Variants in NOL4L observed in about 807,000 individuals in gnomAD.
NOL4L encodes the protein nucleolar protein 4-like.
In NOL4L, 7 loss-of-function variants were observed where a neutral mutation model predicts 64.5. The observed-to-expected ratio is 0.11, with a 90% CI of 0.06 to 0.20. The LOEUF (loss-of-function observed/expected upper bound fraction) is 0.20, where lower values mean the gene tolerates loss of function less well. Among genes scored for constraint, NOL4L ranks in the 10% least tolerant of loss-of-function variants. The pLI, the probability that NOL4L is intolerant of heterozygous loss-of-function variation, is 1.00. For missense variants in NOL4L, 680 were observed against 967.1 expected, an observed-to-expected ratio of 0.70 and a Z score of 3.94; for synonymous variants, 413 against 401.0, an observed-to-expected ratio of 1.03 and a Z score of -0.36.
chr20:32,466,750 T>C (rs369603458), intron 5 of NOL4L, among the ~76,000 whole-genome samples: 9 of 152,172 alleles, frequency 5.9e-5, no homozygotes, highest in African/African-American at 2.2e-4. Context: ...ACAGCCATAA[T>C]GAGCAGGTGT....
intron 5 of NOL4L, among the ~76,000 whole-genome samples, chr20:32,462,861 C>CG (rs1333648213): frequency 7.1e-6 from 1 of 139,874 alleles, no homozygotes; most frequent in Non-Finnish European, 1.5e-5. Flanking sequence ...GACAAGATCG[C>CG]GCCATTGGAC....
chr20:32,529,876 C>T (rs2018281035), intron 1 of NOL4L, among the ~76,000 whole-genome samples: 1 of 152,244 alleles, frequency 6.6e-6, no homozygotes, highest in Non-Finnish European at 1.5e-5. Flanking sequence ...TGGGCAAACC[C>T]TTCAACCTCC....
chr20:32,510,820 T>C (rs1035414347), intron 4 of NOL4L, among the ~76,000 whole-genome samples: 2 of 152,148 alleles, frequency 1.3e-5, no homozygotes, highest in African/African-American at 4.8e-5. Flanking sequence ...AGGGAGTTTC[T>C]TTTCATAGCC....
Position 32,453,694 on chromosome 20 carries a change from A to G in NOL4L, c.1187T>C (p.Leu396Pro). Residue 396 changes from leucine to proline, a missense_variant, in exon 7 of 11, where the codon CTG (leucine) becomes CCG (proline). Physicochemically the swap from Leu to Pro is moderately conservative, Grantham distance 98. Transcript: ENST00000621426. This position sits in a 1 kb window ranked among gnomAD's most constrained non-coding sequence, Gnocchi z 5.6. ...KTEVSGCPEDLTVGRAPTADD... is the reference protein window; with the variant it reads ...KTEVSGCPEDPTVGRAPTADD... ...TGCCGTCGGGGCCCGGCCCACTGTC[A>G]GGTCCTCAGGGCAGCCGCTGACCTC... The G allele has an allele frequency of 6.4e-7, 1 of 1,564,848 alleles. No homozygotes were observed. The highest frequency in any genetic ancestry group is 8.7e-7 in the Non-Finnish European group (1 of 1,154,570).
In NOL4L at chr20:32,464,357, G is replaced by C. The variant is rs951207276; in HGVS notation, c.842-7962C>G. Among the ~76,000 whole-genome samples the C allele has an allele frequency of 3.9e-5, 6 of 152,212 alleles. No individual in the cohort carries two copies. Among genetic ancestry groups the C allele is most frequent in the Non-Finnish European group, 8.8e-5 (6 of 68,032 alleles). Reference sequence around the variant, plus strand: ...GGGGGACACTAGGACCCTACCATCCGGGTGATGGGGCCACACGGGGCACCT... The same window carrying C: ...GGGGGACACTAGGACCCTACCATCCCGGTGATGGGGCCACACGGGGCACCT... On this transcript the variant is annotated intron_variant, in intron 5 of 10. Coordinates refer to ENST00000621426, the MANE Select transcript of NOL4L (RefSeq NM_001256798.2). This position sits in a 1 kb window ranked among gnomAD's most constrained non-coding sequence, Gnocchi z 5.6.
chr20:32,583,878 C>T lies in NOL4L; in HGVS notation c.321+692G>A, dbSNP rs1180673464. On this transcript the variant is annotated intron_variant, in intron 1 of 10. Transcript: ENST00000621426. ...GAGGGGAGGGGATGGATAGGTCAGG[C>T]CTCCCCCGTCCCATGAAGGGGGAAC... Among the ~76,000 whole-genome samples the T allele has an allele frequency of 1.4e-3, 4 of 2,896 alleles. No homozygotes were observed. In the South Asian group the frequency reaches 0.087, roughly 63 times the overall value. 1.9% of individuals were successfully genotyped at this position (2,896 alleles called of 152,430 possible).
intron 1 of NOL4L, among the ~76,000 whole-genome samples, chr20:32,583,297 C>T (rs1980611619): frequency 6.6e-6 from 1 of 150,870 alleles, no homozygotes; most frequent in South Asian, 2.1e-4. Flanking sequence ...TCGCGGCCCC[C>T]TCACCCCGCG....
intron 2 of NOL4L, among the ~76,000 whole-genome samples, chr20:32,522,745 C>T (rs2017990126): frequency 6.6e-6 from 1 of 152,170 alleles, no homozygotes; most frequent in Admixed American, 6.5e-5. Flanking sequence ...GTGTGCTAGG[C>T]AGAGCAGAGG....
chr20:32,570,334 G>A (rs150770325), intron 1 of NOL4L, among the ~76,000 whole-genome samples: 4 of 152,138 alleles, frequency 2.6e-5, no homozygotes, highest in Non-Finnish European at 4.4e-5. Context: ...TCACATCTTA[G>A]GCGCTGCGTT....
chr20:32,482,702 C>T (rs1195089627), intron 4 of NOL4L, among the ~76,000 whole-genome samples: 2 of 151,462 alleles, frequency 1.3e-5, no homozygotes, highest in Non-Finnish European at 3.0e-5. Context: ...GAGAGGGACA[C>T]CCCGTCCCCT....
At chr20:32,488,848 TTTC>T (rs2016307899) in intron 4 of NOL4L, among the ~76,000 whole-genome samples, 3 of 95,272 alleles carry the variant, frequency 3.1e-5, no homozygotes, top group Non-Finnish European at 5.6e-5. Context: ...TCTTTCTTTC[TTTC>T]TTTCTTTCTT....
chr20:32,583,353 G>A (rs992237096), intron 1 of NOL4L, among the ~76,000 whole-genome samples: 3 of 150,402 alleles, frequency 2.0e-5, no homozygotes, highest in African/African-American at 7.3e-5. Flanking sequence ...GGGGACAAGT[G>A]CACTTTTCGT....
rs534995546 is a variant in NOL4L at position 32,463,147 on chromosome 20, G to A, written c.842-6752C>T. ...TGAAGAAACCCAGCTGGCTCCATGGGCACCGAAGCCCCAGCACACAGGCCT... is the reference window on the plus strand; with the variant it reads ...TGAAGAAACCCAGCTGGCTCCATGGACACCGAAGCCCCAGCACACAGGCCT... On this transcript the variant is annotated intron_variant, in intron 5 of 10. Coordinates refer to ENST00000621426, the MANE Select transcript of NOL4L (RefSeq NM_001256798.2). The surrounding 1 kb of genome is among the most constrained non-coding windows in gnomAD (Gnocchi z 5.8). Among the ~76,000 whole-genome samples the A allele has an allele frequency of 1.3e-5, 2 of 152,264 alleles. No homozygotes were observed. Among genetic ancestry groups the A allele is most frequent in the South Asian group, 4.1e-4 (2 of 4,826 alleles).
At chr20:32,559,827 G>A (rs1402786546) in intron 1 of NOL4L, among the ~76,000 whole-genome samples, 1 of 152,230 alleles carries the variant, frequency 6.6e-6, no homozygotes, top group Non-Finnish European at 1.5e-5. Flanking sequence ...CCTCTCGCCT[G>A]AGTGGGCCAA....
At chr20:32,521,129 G>T (rs910890) in intron 2 of NOL4L, among the ~76,000 whole-genome samples, 45,264 of 152,030 alleles carry the variant, frequency 0.3, 7,781 homozygotes, top group East Asian at 0.77. Context: ...TTTAAAAATC[G>T]CAATAAAGGA....
intron 5 of NOL4L, among the ~76,000 whole-genome samples, chr20:32,459,496 G>A (rs919290396): frequency 7.3e-5 from 11 of 150,768 alleles, no homozygotes; most frequent in African/African-American, 2.4e-4. Flanking sequence ...CGATTCTCCT[G>A]CCTCAGCCTC....
At chr20:32,481,009 G>A (rs188645286) in intron 4 of NOL4L, among the ~76,000 whole-genome samples, 5 of 152,274 alleles carry the variant, frequency 3.3e-5, no homozygotes, top group Admixed American at 6.5e-5. Context: ...AGGAAGGGCT[G>A]AGACACAGCC....
At chr20:32,583,632 C>G (rs1406803991) in intron 1 of NOL4L, among the ~76,000 whole-genome samples, 1 of 150,160 alleles carries the variant, frequency 6.7e-6, no homozygotes, top group East Asian at 2.0e-4. Flanking sequence ...CTCAGCAGCG[C>G]CCCGGGAGCG....
rs1568607529 is a variant in NOL4L, at chr20:32,460,311, G to A, written c.842-3916C>T. On this transcript the variant is annotated intron_variant, in intron 5 of 10. Coordinates refer to ENST00000621426, the MANE Select transcript of NOL4L (RefSeq NM_001256798.2). The surrounding 1 kb of genome is among the most constrained non-coding windows in gnomAD (Gnocchi z 5.7). ...CCGCACACACAGAGCCTACTCAGAG[G>A]GACAACATGGATCGCGAAAGCCTGC... Among the ~76,000 whole-genome samples the A allele has an allele frequency of 6.6e-6, 1 of 152,144 alleles. No homozygotes were observed. Among genetic ancestry groups the A allele is most frequent in the Non-Finnish European group, 1.5e-5 (1 of 68,026 alleles).
Sources: allele counts gnomAD v4.1 joint callset (sites outside exome capture counted in the v4.1 genomes callset), GRCh38; gene constraint gnomAD v4.1.1; non-coding constraint Gnocchi (gnomAD v3.1); transcripts MANE v1.5; gene names NCBI Gene and HGNC (gene_info 2026-07-23, HGNC 2026-07-21).